The following ADARB2 variants were observed in gnomAD, a reference collection of about 807,000 sequenced individuals.
ADARB2 encodes adenosine deaminase RNA specific B2 (inactive).
A neutral mutation model predicts 62.2 loss-of-function variants in ADARB2; 25 were observed. The ratio of observed to expected loss-of-function variants is 0.40; its 90% CI spans 0.29 to 0.56. The LOEUF is 0.56. Among genes scored for constraint, ADARB2 ranks in the 20% least tolerant of loss-of-function variants. ADARB2 has a pLI of 0.43. For missense variants in ADARB2, 1,071 were observed against 1,077.4 expected (o/e 0.99, Z 0.08); for synonymous variants, 572 against 500.8 (o/e 1.14, Z -1.90).
At chr10:1,725,722 G>T (rs149402198) in intron 1 of ADARB2, among the ~76,000 whole-genome samples, 1 of 152,222 alleles carries the variant, frequency 6.6e-6, no homozygotes, top group East Asian at 1.9e-4. Context: ...GTCCTCAGCC[G>T]CAGATGCGTT....
chr10:1,348,790 G>A (rs543204848), intron 3 of ADARB2, among the ~76,000 whole-genome samples: 8 of 152,332 alleles, frequency 5.3e-5, no homozygotes, highest in African/African-American at 1.9e-4. Context: ...CCAACGCTGG[G>A]AGCTGAGTGC....
chr10:1,304,580 TC>T (rs1431120015), intron 3 of ADARB2, among the ~76,000 whole-genome samples: 2 of 152,070 alleles, frequency 1.3e-5, no homozygotes, highest in African/African-American at 2.4e-5. Context: ...ACATTTTTTT[TC>T]AGCACCACAC....
Position 1,242,287 on chromosome 10 carries a change from C to T in ADARB2, c.1205G>A (p.Arg402Gln), listed in dbSNP as rs772619757. Residue 402 changes from arginine to glutamine, a missense_variant, in exon 5 of 10, where the codon CGG (arginine) becomes CAG (glutamine). Arg to Gln is a conservative substitution (Grantham distance 43). Coordinates refer to ENST00000381312, the MANE Select transcript of ADARB2 (RefSeq NM_018702.4). ...GIVMTKGLDA[R>Q]QAQVVALSSG... is the part of the protein sequence containing the mutation. ...GGACAGGGCCACGACCTGCGCCTGC[C>T]GAGCATCCAGGCCTGGGGACACAGA... The T allele has an allele frequency of 4.9e-5, 76 of 1,561,696 alleles. No individual in the cohort carries two copies. The highest frequency in any genetic ancestry group is 5.8e-5 in the Non-Finnish European group (67 of 1,155,174).
At chr10:1,616,208 G>A (rs1874999) in intron 1 of ADARB2, among the ~76,000 whole-genome samples, 109,468 of 152,168 alleles carry the variant, frequency 0.72, 39,601 homozygotes, top group African/African-American at 0.81. Flanking sequence ...CATTTCTATA[G>A]AGGGTCCCAG....
chr10:1,407,807 C>T (rs1431163934), intron 1 of ADARB2, among the ~76,000 whole-genome samples: 1 of 152,216 alleles, frequency 6.6e-6, no homozygotes, highest in Non-Finnish European at 1.5e-5. Flanking sequence ...CTCGCCCGGC[C>T]TCCATCCCCA....
intron 4 of ADARB2, among the ~76,000 whole-genome samples, chr10:1,259,208 A>G (rs909469590): frequency 2.0e-5 from 3 of 152,232 alleles, no homozygotes; most frequent in Admixed American, 6.5e-5. Context: ...GAAAGATCTG[A>G]AATTGGCACC....
chr10:1,231,544 G>A lies in ADARB2; in HGVS notation c.1513+2150C>T, dbSNP rs1830803964. On this transcript the variant is annotated intron_variant, in intron 6 of 9. Transcript: ENST00000381312. ...GGCCACACTGGGCTCCCTTCCCTCTGGGGAGGGCTGTGTCCACTTCTCAGG... is the reference window on the plus strand; with the variant it reads ...GGCCACACTGGGCTCCCTTCCCTCTAGGGAGGGCTGTGTCCACTTCTCAGG... Among the ~76,000 whole-genome samples the A allele has an allele frequency of 3.9e-5, 6 of 152,102 alleles. No homozygotes were observed. In the South Asian group the frequency reaches 1.2e-3, roughly 32 times the overall value.
In ADARB2 at chr10:1,327,052, C is replaced by T. The variant is rs372341037; in HGVS notation, c.1077+35976G>A. ...CGCCTCCCCACTGCCCAGCGCCTCC[C>T]CACTGCCCAGCGCCTCCCCACTGCA... is the stretch of plus-strand genomic sequence containing the variant. On this transcript the variant is annotated intron_variant, in intron 3 of 9. Coordinates refer to ENST00000381312, the MANE Select transcript of ADARB2 (RefSeq NM_018702.4). 4.0e-3 allele frequency among the ~76,000 whole-genome samples: 163 copies of T among 40,256 alleles called. 7 individuals carry two copies. The highest frequency in any genetic ancestry group is 4.6e-3 in the Non-Finnish European group (83 of 18,130). The allele number at this position is 40,256 out of a possible 152,430, so 26.4% of individuals were successfully genotyped here.
chr10:1,285,342 G>A (rs1280307002), intron 3 of ADARB2, among the ~76,000 whole-genome samples: 1 of 149,746 alleles, frequency 6.7e-6, no homozygotes, highest in Non-Finnish European at 1.5e-5. Context: ...TTCTCGCAGG[G>A]ACGATGGTGG....
rs545285840 is a variant in ADARB2, at chr10:1,643,974, T to C, written c.100+93077A>G. ...CTCCCCAGGCTTCCTCATGGAGAGC[T>C]TCATTACCGAATCGCACGCAGCCCA... On this transcript the variant is annotated intron_variant, in intron 1 of 9. Coordinates refer to ENST00000381312, the MANE Select transcript of ADARB2 (RefSeq NM_018702.4). Among the ~76,000 whole-genome samples, 8 of 152,214 alleles carry C rather than the reference T, an allele frequency of 5.3e-5. No individual in the cohort carries two copies. In the South Asian group the frequency reaches 8.3e-4, roughly 16 times the overall value.
At chr10:1,577,543 G>A (rs761086459) in intron 1 of ADARB2, among the ~76,000 whole-genome samples, 4 of 152,254 alleles carry the variant, frequency 2.6e-5, no homozygotes, top group African/African-American at 7.2e-5. Flanking sequence ...TAGCACTGAC[G>A]TCATTGAGAC....
intron 1 of ADARB2, among the ~76,000 whole-genome samples, chr10:1,712,404 T>A (rs947574795): frequency 1.3e-5 from 2 of 152,022 alleles, no homozygotes; most frequent in African/African-American, 4.8e-5. Flanking sequence ...GGTAAGAAGT[T>A]ATGAGGTGTA....
intron 1 of ADARB2, among the ~76,000 whole-genome samples, chr10:1,514,972 C>T (rs557840997): frequency 4.0e-5 from 6 of 151,886 alleles, no homozygotes; most frequent in Admixed American, 1.3e-4. Context: ...AGAAAAGGGG[C>T]GAAAGAGACA....
chr10:1,459,978 A>AAC (rs1564295548), intron 1 of ADARB2, among the ~76,000 whole-genome samples: 2 of 116,018 alleles, frequency 1.7e-5, no homozygotes, highest in African/African-American at 6.3e-5. Flanking sequence ...TTACCTGTGT[A>AAC]GCAAACCTGC....
At chr10:1,232,105 T>G (rs1830809351) in intron 6 of ADARB2, among the ~76,000 whole-genome samples, 1 of 152,142 alleles carries the variant, frequency 6.6e-6, no homozygotes, top group Non-Finnish European at 1.5e-5. Flanking sequence ...ATTTCCTCCC[T>G]CATCAGGACT....
intron 3 of ADARB2, among the ~76,000 whole-genome samples, chr10:1,328,994 C>A (rs11250420): frequency 5.8e-5 from 3 of 51,360 alleles, no homozygotes; most frequent in African/African-American, 1.7e-4. Context: ...AAGACCCTGT[C>A]TTAAAAAAAA....
intron 1 of ADARB2, among the ~76,000 whole-genome samples, chr10:1,649,866 C>T (rs139843097): frequency 2.0e-5 from 3 of 152,312 alleles, no homozygotes; most frequent in African/African-American, 7.2e-5. Flanking sequence ...ATCTGTGATG[C>T]ACAGGTAATT....
At chr10:1,687,968 C>T (rs766624532) in intron 1 of ADARB2, among the ~76,000 whole-genome samples, 3 of 152,206 alleles carry the variant, frequency 2.0e-5, no homozygotes, top group Non-Finnish European at 4.4e-5. Flanking sequence ...TCACAGCCTA[C>T]TTTTAAAGGC....
In ADARB2 at chr10:1,426,167, G is replaced by C. The variant is rs994873758; in HGVS notation, c.101-47007C>G. On this transcript the variant is annotated intron_variant, in intron 1 of 9. Coordinates refer to ENST00000381312, the MANE Select transcript of ADARB2 (RefSeq NM_018702.4). This position sits in a 1 kb window ranked among gnomAD's most constrained non-coding sequence, Gnocchi z 4.1. ...GAATCAAGATCTGATGTGTAAAAGA[G>C]CCTGTGGTTTAAAATATGGAGGTAT... Among the ~76,000 whole-genome samples the C allele has an allele frequency of 6.6e-6, 1 of 152,140 alleles. No homozygotes were observed. The highest frequency in any genetic ancestry group is 1.5e-5 in the Non-Finnish European group (1 of 68,026).
Sources: gnomAD v4.1 joint callset for allele counts (sites outside exome capture counted in the v4.1 genomes callset) on GRCh38, gnomAD v4.1.1 for gene constraint, Gnocchi (gnomAD v3.1) non-coding constraint, MANE v1.5 for transcripts, NCBI Gene and HGNC (gene_info 2026-07-23, HGNC 2026-07-21) for gene names.